Variants in IFT57 observed in about 807,000 individuals in gnomAD.
IFT57 encodes the protein intraflagellar transport protein 57 homolog.
A neutral mutation model predicts 56.8 loss-of-function variants in IFT57; 59 were observed. The ratio of observed to expected loss-of-function variants is 1.04; its 90% CI spans 0.84 to 1.29. IFT57 has a LOEUF of 1.29. Ranked by LOEUF, IFT57 falls within the 50% of genes most tolerant of loss-of-function variation. IFT57 has a pLI of 0.00. For synonymous variants in IFT57, 209 were observed against 186.1 expected (o/e 1.12, Z -1.00); for missense variants, 470 against 522.1 (o/e 0.90, Z 0.97).
intron 1 of IFT57, among the ~76,000 whole-genome samples, chr3:108,220,236 C>T (rs769896612): frequency 1.4e-4 from 22 of 152,344 alleles, no homozygotes; most frequent in African/African-American, 2.6e-4. Flanking sequence ...TGGGCTCTTG[C>T]TTAATCCCCT....
chr3:108,176,453 C>T (rs2108312028), intron 6 of IFT57, among the ~76,000 whole-genome samples: 1 of 151,932 alleles, frequency 6.6e-6, no homozygotes, highest in Non-Finnish European at 1.5e-5. Context: ...CAAGCAGCCT[C>T]CTTCATTTCC....
At chr3:108,196,797 G>A (rs1576042431) in intron 5 of IFT57, among the ~76,000 whole-genome samples, 1 of 152,104 alleles carries the variant, frequency 6.6e-6, no homozygotes, top group African/African-American at 2.4e-5. Context: ...AAACTATACA[G>A]TTTCTTTCTA....
chr3:108,180,736 T>C (rs969918990), intron 6 of IFT57, among the ~76,000 whole-genome samples: 1 of 152,008 alleles, frequency 6.6e-6, no homozygotes, highest in African/African-American at 2.4e-5. Flanking sequence ...TCTAATATAA[T>C]TGATTAGAAA....
chr3:108,191,514 T>C lies in IFT57; in HGVS notation c.777+7A>G. 1 of 1,561,166 alleles carries C rather than the reference T, an allele frequency of 6.4e-7. No individual in the cohort carries two copies. The highest frequency in any genetic ancestry group is 8.6e-7 in the Non-Finnish European group (1 of 1,158,148). ...TTTTTTAAGAAAATGTGTTCCCACT[T>C]TGATACCTTATTGTCAGTCCTAATC... On this transcript the variant is annotated splice_region_variant and intron_variant, in intron 6 of 10. Coordinates refer to ENST00000264538, the MANE Select transcript of IFT57 (RefSeq NM_018010.4).
At chr3:108,186,209 G>A (rs2080181177) in intron 6 of IFT57, among the ~76,000 whole-genome samples, 1 of 151,970 alleles carries the variant, frequency 6.6e-6, no homozygotes, top group South Asian at 2.1e-4. Flanking sequence ...TAAAAGCCAT[G>A]AAGTCTAAAA....
chr3:108,198,965 TTTG>T (rs1405594935), intron 5 of IFT57, among the ~76,000 whole-genome samples: 2 of 152,228 alleles, frequency 1.3e-5, no homozygotes, highest in South Asian at 2.1e-4. Context: ...TCTATACTAC[TTTG>T]TTAACTTCTG....
chr3:108,166,749 G>C, intron 8 of IFT57, 105 bp downstream of exon 8: 1 of 939,914 alleles, frequency 1.1e-6, no homozygotes. Flanking sequence ...ATGTTTTGCT[G>C]TTCATGAAAA....
At chr3:108,195,871 A>G (rs2080241441) in intron 5 of IFT57, among the ~76,000 whole-genome samples, 1 of 152,152 alleles carries the variant, frequency 6.6e-6, no homozygotes. Flanking sequence ...GTATGAAAAT[A>G]TAGTTATTTA....
intron 6 of IFT57, among the ~76,000 whole-genome samples, chr3:108,174,052 C>A (rs1009581733): frequency 1.7e-5 from 2 of 119,854 alleles, no homozygotes; most frequent in African/African-American, 6.6e-5. Flanking sequence ...GTGTTTAAGA[C>A]AGGGATTTGA....
At chr3:108,174,271 A>G (rs1413119902) in intron 6 of IFT57, among the ~76,000 whole-genome samples, 7 of 151,842 alleles carry the variant, frequency 4.6e-5, no homozygotes, top group African/African-American at 1.7e-4. Flanking sequence ...ATAAAAAGGC[A>G]AAATATATAT....
intron 6 of IFT57, among the ~76,000 whole-genome samples, chr3:108,173,808 G>GTGTGTA (rs771647277): frequency 0.012 from 1,574 of 126,946 alleles, 25 homozygotes; most frequent in East Asian, 0.066. Context: ...GTGTGTGTGT[G>GTGTGTA]TATATAATAT....
intron 5 of IFT57, among the ~76,000 whole-genome samples, chr3:108,201,705 C>T (rs2080279082): frequency 6.6e-6 from 1 of 151,864 alleles, no homozygotes; most frequent in South Asian, 2.1e-4. Context: ...AGTTTTTTCT[C>T]CTAGATTACT....
At chr3:108,191,925 C>G (rs913062623) in intron 5 of IFT57, among the ~76,000 whole-genome samples, 4 of 151,946 alleles carry the variant, frequency 2.6e-5, no homozygotes, top group African/African-American at 9.7e-5. Context: ...AATAGGAATA[C>G]CATCAAATGG....
chr3:108,183,533 T>C (rs2080163148), intron 6 of IFT57, among the ~76,000 whole-genome samples: 1 of 152,158 alleles, frequency 6.6e-6, no homozygotes, highest in Admixed American at 6.6e-5. Flanking sequence ...ACCCTGCTTC[T>C]AGTTTAGCCC....
chr3:108,180,005 C>A (rs542322591), intron 6 of IFT57, among the ~76,000 whole-genome samples: 1 of 151,998 alleles, frequency 6.6e-6, no homozygotes, highest in Admixed American at 6.6e-5. Context: ...CAGGGATGTT[C>A]CTGCTTTCTA....
intron 1 of IFT57, among the ~76,000 whole-genome samples, chr3:108,220,657 C>T (rs1249993972): frequency 1.3e-5 from 2 of 152,148 alleles, no homozygotes; most frequent in Non-Finnish European, 2.9e-5. Flanking sequence ...AAACCTAGGA[C>T]AGTGGTTCCC....
At chr3:108,217,959 G>A (rs1362554879) in intron 3 of IFT57, among the ~76,000 whole-genome samples, 5 of 151,562 alleles carry the variant, frequency 3.3e-5, no homozygotes, top group South Asian at 2.1e-4. Flanking sequence ...ATGATTTCTA[G>A]CAAGAATGTC....
At chr3:108,221,759 T>C (rs116502718) in intron 1 of IFT57, among the ~76,000 whole-genome samples, 2,571 of 144,932 alleles carry the variant, frequency 0.018, 65 homozygotes, top group African/African-American at 0.06. Flanking sequence ...AGACATTTAC[T>C]TGTGTTTTTC....
intron 5 of IFT57, among the ~76,000 whole-genome samples, chr3:108,206,121 TA>T (rs2080311721): frequency 7.4e-6 from 1 of 135,718 alleles, no homozygotes; most frequent in Non-Finnish European, 1.6e-5. Flanking sequence ...ATGGTGAATG[TA>T]AAAATATATA....
Sources: gnomAD v4.1 joint callset for allele counts (sites outside exome capture counted in the v4.1 genomes callset) on GRCh38, gnomAD v4.1.1 for gene constraint, MANE v1.5 for transcripts, NCBI Gene and HGNC (gene_info 2026-07-23, HGNC 2026-07-21) for gene names.